The following GALNT17 variants were observed in gnomAD, a reference collection of about 807,000 sequenced individuals.
GALNT17 encodes polypeptide N-acetylgalactosaminyltransferase 17, also known as UDP-GalNAc:polypeptide N-acetylgalactosaminyltransferase-like 3.
GALNT17 carries 29 observed loss-of-function variants against 63.7 expected under a neutral mutation model. The ratio of observed to expected loss-of-function variants is 0.46; its 90% CI spans 0.34 to 0.62. The LOEUF (loss-of-function observed/expected upper bound fraction) is 0.62, where lower values mean the gene tolerates loss of function less well. GALNT17 is among the 20% of genes least tolerant of loss of function. The probability of loss-of-function intolerance (pLI) is 0.01; values close to 1 mark genes in which losing one functional copy is unlikely to be tolerated. For missense variants in GALNT17, 603 were observed against 799.6 expected (o/e 0.75, Z 2.97); for synonymous variants, 305 against 318.3 (o/e 0.96, Z 0.45).
At chr7:71,465,130 A>G (rs1787513898) in intron 5 of GALNT17, among the ~76,000 whole-genome samples, 1 of 152,216 alleles carries the variant, frequency 6.6e-6, no homozygotes, top group Non-Finnish European at 1.5e-5. Flanking sequence ...GGTGGCAGCA[A>G]GGGTACAAGG....
At chr7:71,243,461 A>G (rs1332895330) in intron 1 of GALNT17, among the ~76,000 whole-genome samples, 1 of 152,130 alleles carries the variant, frequency 6.6e-6, no homozygotes, top group African/African-American at 2.4e-5. Context: ...GGCTTGCTTT[A>G]TGATGTATAA....
chr7:71,446,748 C>T (rs1032275596), intron 5 of GALNT17, among the ~76,000 whole-genome samples: 1 of 152,124 alleles, frequency 6.6e-6, no homozygotes, highest in African/African-American at 2.4e-5. Context: ...AGGGTTTCAC[C>T]ACATTGGCCA....
At chr7:71,693,309 C>CATATATATATATAT (rs369668179) in intron 9 of GALNT17, among the ~76,000 whole-genome samples, 1 of 124,166 alleles carries the variant, frequency 8.1e-6, no homozygotes, top group Admixed American at 8.5e-5. Flanking sequence ...CACACACACA[C>CATATATATATATAT]ATATATATAT....
chr7:71,577,166 A>G (rs1027942306), intron 6 of GALNT17, among the ~76,000 whole-genome samples: 7 of 152,180 alleles, frequency 4.6e-5, no homozygotes, highest in South Asian at 2.1e-4. Flanking sequence ...AACATTGGGT[A>G]CCCATGGACA....
At chr7:71,337,254 T>C (rs1791924376) in intron 2 of GALNT17, among the ~76,000 whole-genome samples, 2 of 152,176 alleles carry the variant, frequency 1.3e-5, no homozygotes, top group South Asian at 4.1e-4. Flanking sequence ...TCTGTTTCCA[T>C]TGTTGGAAAT....
intron 5 of GALNT17, among the ~76,000 whole-genome samples, chr7:71,425,138 G>A (rs1214136971): frequency 6.6e-6 from 1 of 152,214 alleles, no homozygotes; most frequent in Admixed American, 6.5e-5. Context: ...AGGGTAAGAG[G>A]TGGGGGAACT....
At chr7:71,206,569 T>C (rs1789275723) in intron 1 of GALNT17, among the ~76,000 whole-genome samples, 1 of 152,190 alleles carries the variant, frequency 6.6e-6, no homozygotes, top group African/African-American at 2.4e-5. Flanking sequence ...AAGGTAGTGA[T>C]GATCCTAATT....
intron 9 of GALNT17, among the ~76,000 whole-genome samples, chr7:71,692,550 C>T (rs1271535910): frequency 6.6e-6 from 1 of 151,944 alleles, no homozygotes; most frequent in East Asian, 1.9e-4. Context: ...TCCCTGACTG[C>T]TTGATTCACA....
intron 5 of GALNT17, among the ~76,000 whole-genome samples, chr7:71,459,092 T>G (rs1052305628): frequency 2.0e-5 from 3 of 151,894 alleles, no homozygotes; most frequent in African/African-American, 7.3e-5. Context: ...GGGTTGGATA[T>G]TGCTTAAAAA....
At chr7:71,297,576 C>A (rs1248726087) in intron 1 of GALNT17, among the ~76,000 whole-genome samples, 2 of 146,778 alleles carry the variant, frequency 1.4e-5, no homozygotes, top group Non-Finnish European at 3.0e-5. Context: ...TTGCAGTGAG[C>A]TGAGAGCATG....
chr7:71,468,127 A>G (rs1787567692), intron 5 of GALNT17, among the ~76,000 whole-genome samples: 1 of 152,108 alleles, frequency 6.6e-6, no homozygotes, highest in African/African-American at 2.4e-5. Flanking sequence ...TCCTGGGCTC[A>G]AGTCATCCTC....
At position 71,148,857 on chromosome 7, in the gene GALNT17, T is replaced by TA. The variant is rs1491290800; in HGVS notation, c.238+15817_238+15818insA. On this transcript the variant is annotated intron_variant, in intron 1 of 10. Transcript: ENST00000333538. ...GATGAAATACAGTAGTATTATGGTA[T>TA]TTTTATATATATATATATATATATA... is the stretch of plus-strand genomic sequence containing the variant. Among the ~76,000 whole-genome samples, 85 of 98,608 alleles carry TA rather than the reference T, an allele frequency of 8.6e-4. 2 individuals are homozygous for TA. The highest frequency in any genetic ancestry group is 3.7e-3 in the African/African-American group (74 of 19,956). The allele number at this position is 98,608 out of a possible 152,430, so 64.7% of individuals were successfully genotyped here.
Position 71,154,611 on chromosome 7 carries a change from C to A in GALNT17, c.238+21571C>A, listed in dbSNP as rs150115493. On this transcript the variant is annotated intron_variant, in intron 1 of 10. Coordinates refer to ENST00000333538, the MANE Select transcript of GALNT17 (RefSeq NM_022479.3). ...GTATTTTTGGAGACGGAGTCTCACT[C>A]TGTCGCCCAGGCTGGAGTGCGGTGG... is the stretch of plus-strand genomic sequence containing the variant. Among the ~76,000 whole-genome samples, 304 of 152,304 alleles carry A rather than the reference C, an allele frequency of 2.0e-3. 1 individual carries two copies. The Middle Eastern group carries it at 0.02, about 10-fold the overall frequency.
intron 8 of GALNT17, among the ~76,000 whole-genome samples, chr7:71,674,082 G>A (rs1051536844): frequency 2.0e-5 from 3 of 152,128 alleles, no homozygotes; most frequent in African/African-American, 7.2e-5. Context: ...GAAGAGAGAA[G>A]CCTTTTGTTT....
At chr7:71,606,652 A>C (rs1413668954) in intron 6 of GALNT17, among the ~76,000 whole-genome samples, 1 of 152,052 alleles carries the variant, frequency 6.6e-6, no homozygotes, top group Admixed American at 6.6e-5. Flanking sequence ...CTAGTATATA[A>C]ACAGGCCTGT....
At chr7:71,387,222 TTACTTTTAATGGCAAAAAAG>T (rs1240423972) in intron 2 of GALNT17, among the ~76,000 whole-genome samples, 3 of 95,746 alleles carry the variant, frequency 3.1e-5, no homozygotes, top group Non-Finnish European at 5.0e-5. Flanking sequence ...GGTTTTGCCA[TTACTTTTAATGGCAAAAAAG>T]TACTTTTAAT....
chr7:71,320,167 C>G (rs1357723633), intron 1 of GALNT17, among the ~76,000 whole-genome samples: 1 of 152,128 alleles, frequency 6.6e-6, no homozygotes, highest in African/African-American at 2.4e-5. Context: ...GCATACTCTT[C>G]CCCTGAATTG....
intron 8 of GALNT17, among the ~76,000 whole-genome samples, chr7:71,674,968 G>A (rs527443476): frequency 2.0e-5 from 3 of 152,118 alleles, no homozygotes; most frequent in South Asian, 4.2e-4. Flanking sequence ...GGTGGATCAC[G>A]AGGTCAGGAG....
At chr7:71,595,980 GT>G (rs778884731) in intron 6 of GALNT17, among the ~76,000 whole-genome samples, 1 of 152,124 alleles carries the variant, frequency 6.6e-6, no homozygotes, top group Non-Finnish European at 1.5e-5. Context: ...AATCTGCTTT[GT>G]TTTTTATATT....
Sources: gnomAD v4.1 joint callset for allele counts (sites outside exome capture counted in the v4.1 genomes callset) on GRCh38, gnomAD v4.1.1 for gene constraint, MANE v1.5 for transcripts, NCBI Gene and HGNC (gene_info 2026-07-23, HGNC 2026-07-21) for gene names.